The following ST7 variants were observed in gnomAD, a reference collection of about 807,000 sequenced individuals.
ST7 encodes suppression of tumorigenicity 7, also known as suppressor of tumorigenicity 7 protein.
In ST7, 28 loss-of-function variants were observed where a neutral mutation model predicts 78.7. That is an observed-to-expected ratio of 0.36 (90% CI 0.26 to 0.49). The LOEUF (loss-of-function observed/expected upper bound fraction) is 0.49. Ranked by LOEUF, ST7 falls within the 20% of genes least tolerant of loss-of-function variation. The probability of loss-of-function intolerance (pLI) is 0.99; values close to 1 mark genes in which losing one functional copy is unlikely to be tolerated. For synonymous variants in ST7, 247 were observed against 249.6 expected (o/e 0.99, Z 0.10); for missense variants, 418 against 696.0 (o/e 0.60, Z 4.49).
At chr7:117,198,541 G>A (rs1268345063) in intron 12 of ST7, 4 of 296,058 alleles carry the variant, frequency 1.4e-5, no homozygotes, top group Non-Finnish European at 2.7e-5. Flanking sequence ...TAGCTGCTTG[G>A]TAAGTTCTTT....
chr7:117,203,824 T>G (rs368570295), intron 12 of ST7, among the ~76,000 whole-genome samples: 1 of 152,314 alleles, frequency 6.6e-6, no homozygotes, highest in Non-Finnish European at 1.5e-5. Flanking sequence ...TAAATTATGG[T>G]GCTTCCATAT....
intron 1 of ST7, among the ~76,000 whole-genome samples, chr7:117,047,277 G>A (rs10262342): frequency 3.2e-4 from 49 of 152,128 alleles, no homozygotes; most frequent in African/African-American, 1.2e-3. Context: ...AAACATTTAA[G>A]CAAAGAGGAT....
intron 1 of ST7, among the ~76,000 whole-genome samples, chr7:116,971,010 G>A (rs1793389998): frequency 6.6e-6 from 1 of 152,136 alleles, no homozygotes; most frequent in African/African-American, 2.4e-5. Flanking sequence ...CACATCAAAG[G>A]AGAGTACATT....
chr7:117,021,695 TA>T (rs1795922348), intron 1 of ST7, among the ~76,000 whole-genome samples: 1 of 152,218 alleles, frequency 6.6e-6, no homozygotes, highest in Admixed American at 6.5e-5. Flanking sequence ...ATTGGCTTTT[TA>T]AAAAGGTTAA....
chr7:117,130,372 G>A (rs758135524), intron 4 of ST7, 119 bp from the exon 5 acceptor site: 13 of 582,554 alleles, frequency 2.2e-5, no homozygotes, highest in South Asian at 1.5e-4. Context: ...TTATTCATTA[G>A]CAAAGCTATT....
intron 10 of ST7, among the ~76,000 whole-genome samples, chr7:117,174,337 G>A (rs1320277452): frequency 6.6e-6 from 1 of 152,130 alleles, no homozygotes; most frequent in African/African-American, 2.4e-5. Flanking sequence ...TTGAGTTCTT[G>A]TAATGTATCA....
chr7:117,093,561 T>C (rs2116719382), intron 1 of ST7, among the ~76,000 whole-genome samples: 1 of 152,146 alleles, frequency 6.6e-6, no homozygotes, highest in South Asian at 2.1e-4. Context: ...ATTAGCCGGG[T>C]GTGGTGGCAC....
rs564925609 is a variant in ST7, at chr7:117,001,964, G to A, written c.151+48273G>A. On this transcript the variant is annotated intron_variant, in intron 1 of 15. Coordinates refer to ENST00000323984, the MANE Select transcript of ST7 (RefSeq NM_001369598.1). ...TTATTGGCCAGGCGTGGTGGCTCAC[G>A]CCTGTAATCCCAACACTTTGGGAGG... is the stretch of plus-strand genomic sequence containing the variant. Among the ~76,000 whole-genome samples the A allele has an allele frequency of 2.6e-5, 4 of 152,208 alleles. No homozygotes were observed. The East Asian group carries it at 7.8e-4, about 30-fold the overall frequency.
At chr7:117,030,803 G>T (rs1408491810) in intron 1 of ST7, among the ~76,000 whole-genome samples, 1 of 152,034 alleles carries the variant, frequency 6.6e-6, no homozygotes, top group East Asian at 1.9e-4. Context: ...CCAAAAACAG[G>T]ATTAACATTC....
In ST7 at chr7:117,219,416, G is replaced by A. The variant is rs1050536685; in HGVS notation, c.1498+240G>A. Among the ~76,000 whole-genome samples the A allele has an allele frequency of 1.3e-5, 2 of 152,218 alleles. No individual in the cohort carries two copies. Among genetic ancestry groups the A allele is most frequent in the African/African-American group, 4.8e-5 (2 of 41,460 alleles). On this transcript the variant is annotated intron_variant, in intron 14 of 15. Transcript: ENST00000323984. The surrounding 1 kb of genome is among the most constrained non-coding windows in gnomAD (Gnocchi z 5.1). ...GCCAAAGGATTGAAATGTAGCTGAA[G>A]AAACCCTATGTACTGATTGGCCTGA...
At chr7:117,101,788 C>G (rs1801585215) in intron 2 of ST7, among the ~76,000 whole-genome samples, 1 of 152,120 alleles carries the variant, frequency 6.6e-6, no homozygotes, top group African/African-American at 2.4e-5. Context: ...GAAATCTATC[C>G]TCAAAATTCT....
chr7:117,200,346 T>C (rs1227503565), intron 12 of ST7, among the ~76,000 whole-genome samples: 2 of 152,078 alleles, frequency 1.3e-5, no homozygotes, highest in Admixed American at 6.6e-5. Context: ...CCCAAGTTTT[T>C]GAGGTCCCAC....
intron 2 of ST7, 80 bp from the exon 3 acceptor site, chr7:117,119,481 T>C (rs984133130): frequency 7.6e-7 from 1 of 1,322,214 alleles, no homozygotes; most frequent in Non-Finnish European, 1.0e-6. Flanking sequence ...AATTAGTAAA[T>C]GTAACATGTT....
rs71148360 is a variant in ST7 at position 117,031,816 on chromosome 7, A to ATATATC, written c.152-67906_152-67901dup. On this transcript the variant is annotated intron_variant, in intron 1 of 15. Transcript: ENST00000323984. ...TGCATATATGTGTGTATATATATGCATATATCTATATCTATATCTATATCT... is the reference window on the plus strand; with the variant it reads ...TGCATATATGTGTGTATATATATGCATATATCTATATCTATATCTATATCTATATCT... Among the ~76,000 whole-genome samples, 10 of 41,452 alleles carry ATATATC rather than the reference A, an allele frequency of 2.4e-4. 1 individual carries two copies. The highest frequency in any genetic ancestry group is 7.6e-4 in the African/African-American group (10 of 13,162). 27.2% of individuals were successfully genotyped at this position (41,452 alleles called of 152,430 possible).
chr7:116,970,094 A>G (rs973522630), intron 1 of ST7, among the ~76,000 whole-genome samples: 1 of 152,128 alleles, frequency 6.6e-6, no homozygotes, highest in Admixed American at 6.6e-5. Flanking sequence ...AAATAAAACA[A>G]AACAAAACAA....
At chr7:116,998,520 G>A (rs1444360125) in intron 1 of ST7, among the ~76,000 whole-genome samples, 1 of 152,262 alleles carries the variant, frequency 6.6e-6, no homozygotes, top group Non-Finnish European at 1.5e-5. Context: ...TGCCGAGAGT[G>A]AGCAAGGGCT....
chr7:117,011,306 C>G (rs1026791701), intron 1 of ST7, among the ~76,000 whole-genome samples: 3 of 152,130 alleles, frequency 2.0e-5, no homozygotes, highest in Admixed American at 2.0e-4. Flanking sequence ...CATCCTGGCT[C>G]CTTTGAGGAG....
At chr7:117,105,993 T>G in intron 2 of ST7, among the ~76,000 whole-genome samples, 1 of 143,840 alleles carries the variant, frequency 7.0e-6, no homozygotes, top group African/African-American at 2.9e-5. Flanking sequence ...TTTGTTTTTG[T>G]TTTTGTTTTT....
intron 10 of ST7, among the ~76,000 whole-genome samples, chr7:117,187,276 A>G (rs1376811463): frequency 2.0e-5 from 3 of 152,244 alleles, no homozygotes; most frequent in Non-Finnish European, 4.4e-5. Context: ...AAGTAGAATG[A>G]CATGCCACTA....
Sources: allele counts gnomAD v4.1 joint callset (sites outside exome capture counted in the v4.1 genomes callset), GRCh38; gene constraint gnomAD v4.1.1; non-coding constraint Gnocchi (gnomAD v3.1); transcripts MANE v1.5; gene names NCBI Gene and HGNC (gene_info 2026-07-23, HGNC 2026-07-21).